TRIM75: variants seen among roughly 807,000 people sequenced by gnomAD.
TRIM75 encodes tripartite motif-containing protein 75.
At chr4:165,055,300 T>TG in the TRIM75 span, among the ~76,000 whole-genome samples, 4 of 147,914 alleles carry the variant, frequency 2.7e-5, no homozygotes, top group Non-Finnish European at 5.9e-5. Flanking sequence ...TTTTTTTTTT[T>TG]TGCGATGGAG....
the TRIM75 span, among the ~76,000 whole-genome samples, chr4:165,057,528 G>GT: frequency 1.3e-5 from 2 of 152,008 alleles, no homozygotes; most frequent in East Asian, 1.9e-4. Flanking sequence ...GTATTTTTTT[G>GT]TTTTTTGTTT....
At chr4:165,060,365 A>T in the TRIM75 span, 9 of 780,920 alleles carry the variant, frequency 1.2e-5, no homozygotes, top group East Asian at 2.2e-4. Flanking sequence ...CTCTGTTGTT[A>T]GAGGTGAAAG....
At chr4:165,054,058 A>G in the TRIM75 span, among the ~76,000 whole-genome samples, 3 of 152,010 alleles carry the variant, frequency 2.0e-5, no homozygotes, top group African/African-American at 7.2e-5. Flanking sequence ...CTCACAAGGG[A>G]ACCTGAATTC....
chr4:165,055,661 A>G, the TRIM75 span, among the ~76,000 whole-genome samples: 1 of 152,174 alleles, frequency 6.6e-6, no homozygotes, highest in Non-Finnish European at 1.5e-5. Flanking sequence ...GAAGCCTGAA[A>G]TCTGAACAAA....
chr4:165,054,897 A>G, the TRIM75 span, among the ~76,000 whole-genome samples: 1 of 152,086 alleles, frequency 6.6e-6, no homozygotes, highest in Non-Finnish European at 1.5e-5. Flanking sequence ...GCGAGTGTGG[A>G]ATTACCTTCC....
chr4:165,059,256 C>A, the TRIM75 span: 1 of 780,380 alleles, frequency 1.3e-6, no homozygotes, highest in South Asian at 1.3e-5. Context: ...CAACTTCTGT[C>A]GTTCCTGCAT....
chr4:165,059,542 C>T, the TRIM75 span: 3 of 780,680 alleles, frequency 3.8e-6, no homozygotes, highest in African/African-American at 3.4e-5. Context: ...CATGTGAGGC[C>T]CATAGAGAAA....
the TRIM75 span, among the ~76,000 whole-genome samples, chr4:165,056,137 G>A: frequency 1.3e-5 from 2 of 151,842 alleles, no homozygotes; most frequent in African/African-American, 4.8e-5. Flanking sequence ...ATGTTGGCCA[G>A]GCTGGGAGAC....
chr4:165,055,252 G>A, the TRIM75 span, among the ~76,000 whole-genome samples: 4 of 151,260 alleles, frequency 2.6e-5, no homozygotes, highest in Admixed American at 6.6e-5. Flanking sequence ...AATGTTACAC[G>A]CGTGAGCCAC....
chr4:165,060,093 G>C, the TRIM75 span: 1 of 780,904 alleles, frequency 1.3e-6, no homozygotes, highest in Non-Finnish European at 2.4e-6. Context: ...TAAAAAACGT[G>C]TGAGATTTAC....
chr4:165,056,701 G>A, the TRIM75 span, among the ~76,000 whole-genome samples: 7 of 126,884 alleles, frequency 5.5e-5, no homozygotes, highest in South Asian at 5.5e-4. Context: ...CACAACCTCC[G>A]CCTCCCAGGT....
the TRIM75 span, among the ~76,000 whole-genome samples, chr4:165,057,427 T>A: frequency 6.6e-6 from 1 of 152,186 alleles, no homozygotes; most frequent in African/African-American, 2.4e-5. Flanking sequence ...ACAAAAATAT[T>A]TGTATATATG....
chr4:165,059,728 T>C, the TRIM75 span: 1 of 780,912 alleles, frequency 1.3e-6, no homozygotes, highest in Non-Finnish European at 2.4e-6. Flanking sequence ...AACCAGTTTT[T>C]AGACCGTGAG....
chr4:165,059,519 C>G, the TRIM75 span: 1 of 780,828 alleles, frequency 1.3e-6, no homozygotes, highest in Non-Finnish European at 2.4e-6. Flanking sequence ...AGCCCCCTGA[C>G]CACCAGGGCC....
the TRIM75 span, among the ~76,000 whole-genome samples, chr4:165,057,101 T>A: frequency 1.3e-5 from 2 of 152,222 alleles, no homozygotes; most frequent in African/African-American, 4.8e-5. Flanking sequence ...AAAATCTGCT[T>A]GATACTGCCT....
At chr4:165,055,923 C>CTT in the TRIM75 span, among the ~76,000 whole-genome samples, 3,341 of 135,546 alleles carry the variant, frequency 0.025, 102 homozygotes, top group East Asian at 0.066. Context: ...CTCTCTCTCC[C>CTT]TTTTTTTTTT....
At chr4:165,053,975 G>A in the TRIM75 span, among the ~76,000 whole-genome samples, 1 of 152,084 alleles carries the variant, frequency 6.6e-6, no homozygotes, top group Non-Finnish European at 1.5e-5. Flanking sequence ...CATTCCGTGG[G>A]TGCGGGAGGC....
chr4:165,060,201 G>A, the TRIM75 span: 1 of 780,812 alleles, frequency 1.3e-6, no homozygotes, highest in South Asian at 1.3e-5. Context: ...GCATTTCTGG[G>A]AGATTGAAGT....
the TRIM75 span, among the ~76,000 whole-genome samples, chr4:165,054,123 C>T: frequency 8.8e-4 from 134 of 151,968 alleles, 1 homozygote; most frequent in East Asian, 0.017. Context: ...GACGCAATCA[C>T]GCTCTGTGAC....
Sources: allele counts gnomAD v4.1 joint callset (sites outside exome capture counted in the v4.1 genomes callset), GRCh38; gene constraint gnomAD v4.1.1; transcripts MANE v1.5; gene names NCBI Gene and HGNC (gene_info 2026-07-23, HGNC 2026-07-21).